Variants in RASSF2 observed in about 807,000 individuals in gnomAD.
RASSF2 encodes Ras association domain family member 2, also known as ras association domain-containing protein 2.
A neutral mutation model predicts 46.3 loss-of-function variants in RASSF2; 34 were observed. The observed-to-expected ratio is 0.73, with a 90% CI of 0.56 to 0.98. The LOEUF (loss-of-function observed/expected upper bound fraction) is 0.98, where lower values mean the gene tolerates loss of function less well. Among genes scored for constraint, RASSF2 ranks in the 50% least tolerant of loss-of-function variants. The pLI, the probability that RASSF2 is intolerant of heterozygous loss-of-function variation, is 0.00. For synonymous variants in RASSF2, 158 were observed against 162.5 expected, an observed-to-expected ratio of 0.97 and a Z score of 0.21; for missense variants, 364 against 431.2, an observed-to-expected ratio of 0.84 and a Z score of 1.38.
chr20:4,807,877 T>C (rs1008750716), intron 2 of RASSF2, among the ~76,000 whole-genome samples: 4 of 152,248 alleles, frequency 2.6e-5, no homozygotes, highest in African/African-American at 9.6e-5. Context: ...TGCCCCACTC[T>C]GGGCATCTGC....
In RASSF2 at chr20:4,782,690, C is replaced by A. The variant is rs994270085; in HGVS notation, c.*1583G>T. The A allele has an allele frequency of 6.6e-6, 1 of 152,420 alleles. No individual in the cohort carries two copies. The highest frequency in any genetic ancestry group is 2.1e-4 in the South Asian group (1 of 4,832). 9.4% of individuals were successfully genotyped at this position (152,420 alleles called of 1,614,324 possible). On this transcript the variant is annotated 3_prime_UTR_variant, in exon 12 of 12. Coordinates refer to ENST00000379400, the MANE Select transcript of RASSF2 (RefSeq NM_014737.3). ...GGTGCCCAGGGCAGAAACGTCTCCA[C>A]CAAAAAAGTCCACCTTCCTTTGGAG...
At chr20:4,803,414 C>A (rs1178754819) in intron 2 of RASSF2, among the ~76,000 whole-genome samples, 1 of 152,142 alleles carries the variant, frequency 6.6e-6, no homozygotes, top group South Asian at 2.1e-4. Flanking sequence ...GATGTTAGCT[C>A]AGTGAGATTC....
At position 4,784,204 on chromosome 20, in the gene RASSF2, C is replaced by T. The variant is rs1925077556; in HGVS notation, c.*69G>A. ...TAAATGTTTCCATGGAAAGAAAGTG[C>T]CTAGCTTCCTGGGGGTCTTATGGGC... On this transcript the variant is annotated 3_prime_UTR_variant, in exon 12 of 12. Transcript: ENST00000379400. The T allele has an allele frequency of 4.1e-6, 6 of 1,467,140 alleles. No individual in the cohort carries two copies. The highest frequency in any genetic ancestry group is 5.7e-6 in the Non-Finnish European group (6 of 1,046,600). 90.9% of individuals were successfully genotyped at this position (1,467,140 alleles called of 1,614,324 possible).
At chr20:4,789,450 C>T (rs1455637116) in intron 8 of RASSF2, 146 bp downstream of exon 8, 2 of 644,746 alleles carry the variant, frequency 3.1e-6, no homozygotes, top group Non-Finnish European at 5.4e-6. Context: ...GGACTTTGTC[C>T]TGGATCGTGA....
In RASSF2 at chr20:4,788,230, G is replaced by C; in HGVS notation, c.678C>G (p.Val226=). The C allele has an allele frequency of 6.2e-7, 1 of 1,603,782 alleles. No homozygotes were observed. The highest frequency in any genetic ancestry group is 8.5e-7 in the Non-Finnish European group (1 of 1,170,620). The change falls in exon 9 of 12, where the codon GTC becomes GTG. Residue 226 remains valine (V), a synonymous_variant. Transcript: ENST00000379400. ...NSAEEFALYV[V]HTSGEKQKLK... is the part of the protein sequence containing the mutation. ...CTTCAGACTTACCACCACTCGTATG[G>C]ACCACGTACAAGGCAAACTCCTCTG...
rs536961008 is a variant in RASSF2 at position 4,790,256 on chromosome 20, G to A, written c.537+195C>T. 6.6e-6 allele frequency among the ~76,000 whole-genome samples: 1 copy of A among 152,318 alleles called. No individual in the cohort carries two copies. Among genetic ancestry groups the A allele is most frequent in the African/African-American group, 2.4e-5 (1 of 41,572 alleles). ...TAAGGGGAACCCACAGGGGGACTTT[G>A]AGGCTTCTGACCTGGGGTCCCTCAG... is the stretch of plus-strand genomic sequence containing the variant. On this transcript the variant is annotated intron_variant, in intron 7 of 11. Transcript: ENST00000379400. This position sits in a 1 kb window ranked among gnomAD's most constrained non-coding sequence, Gnocchi z 4.3.
chr20:4,795,780 C>G lies in RASSF2; in HGVS notation c.287+35G>C. On this transcript the variant is annotated intron_variant, in intron 5 of 11. Transcript: ENST00000379400. The surrounding 1 kb of genome is among the most constrained non-coding windows in gnomAD (Gnocchi z 4.0). ...AGAACACATAGAACACCCAAGCATC[C>G]CAGTCATCTCCCTGCCCCGTCTCTC... 6.3e-7 allele frequency: 1 copy of G among 1,588,148 alleles called. No homozygotes were observed. The highest frequency in any genetic ancestry group is 8.6e-7 in the Non-Finnish European group (1 of 1,165,448).
chr20:4,784,391 C>T (rs1193798914), intron 11 of RASSF2, 49 bp from the exon 12 acceptor site: 14 of 1,567,486 alleles, frequency 8.9e-6, no homozygotes, highest in African/African-American at 2.7e-5. Flanking sequence ...CAACACACCC[C>T]TGCCCAGGAC....
At chr20:4,816,054 C>T (rs941053809) in intron 2 of RASSF2, among the ~76,000 whole-genome samples, 2 of 152,154 alleles carry the variant, frequency 1.3e-5, no homozygotes, top group African/African-American at 4.8e-5. Context: ...GTAATCCCAG[C>T]AATTTGGGAG....
intron 11 of RASSF2, among the ~76,000 whole-genome samples, chr20:4,784,880 G>T (rs76517212): frequency 1.3e-5 from 2 of 152,156 alleles, no homozygotes; most frequent in Admixed American, 1.3e-4. Flanking sequence ...TGGCTTGGGG[G>T]GAGTTCTGTT....
intron 6 of RASSF2, among the ~76,000 whole-genome samples, chr20:4,791,238 G>T (rs1035155420): frequency 2.6e-5 from 4 of 152,152 alleles, no homozygotes; most frequent in Admixed American, 6.5e-5. Context: ...AATGGTGGTT[G>T]CCAGGAGCTA....
chr20:4,795,564 T>C lies in RASSF2; in HGVS notation c.287+251A>G. ...TAAGGGAGGACTCTGACTCAGCAGC[T>C]CCCCTCGTATGACTCAGCAGCTCCC... On this transcript the variant is annotated intron_variant, in intron 5 of 11. Coordinates refer to ENST00000379400, the MANE Select transcript of RASSF2 (RefSeq NM_014737.3). This position sits in a 1 kb window ranked among gnomAD's most constrained non-coding sequence, Gnocchi z 4.0. The C allele has an allele frequency of 2.6e-6, 1 of 385,758 alleles. No homozygotes were observed. The highest frequency in any genetic ancestry group is 4.7e-6 in the Non-Finnish European group (1 of 213,948). 23.9% of individuals were successfully genotyped at this position (385,758 alleles called of 1,614,324 possible).
rs747602490 is a variant in RASSF2, at chr20:4,786,280, G to T, written c.862C>A (p.Gln288Lys). ...FEMPVLKSFIQKLQEEEDREV... is the reference protein window; with the variant it reads ...FEMPVLKSFIKKLQEEEDREV... ...CGATCTTCTTCCTCCTGGAGCTTCT[G>T]AATGAAGCTTTTAAGTACCGGCATC... is the stretch of plus-strand genomic sequence containing the variant. The change falls in exon 11 of 12, where the codon CAG (glutamine) becomes AAG (lysine). Residue 288 changes from glutamine to lysine, a missense_variant. By Grantham distance (53) the Gln-to-Lys change is moderately conservative (BLOSUM62 1). Coordinates refer to ENST00000379400, the MANE Select transcript of RASSF2 (RefSeq NM_014737.3). 2 of 1,613,630 alleles carry T rather than the reference G, an allele frequency of 1.2e-6. No homozygotes were observed. The highest frequency in any genetic ancestry group is 1.7e-6 in the Non-Finnish European group (2 of 1,179,544).
At chr20:4,820,071 C>T (rs1176716202) in intron 2 of RASSF2, among the ~76,000 whole-genome samples, 1 of 152,222 alleles carries the variant, frequency 6.6e-6, no homozygotes, top group Non-Finnish European at 1.5e-5. Context: ...ATGTGCCACC[C>T]TCCTTCCCTG....
chr20:4,785,384 T>C (rs1925236787), intron 11 of RASSF2, among the ~76,000 whole-genome samples: 3 of 152,106 alleles, frequency 2.0e-5, no homozygotes, highest in African/African-American at 4.8e-5. Context: ...CTTTAGGACA[T>C]AGTAAGTGTT....
rs1283851389 is a variant in RASSF2 at position 4,782,413 on chromosome 20, GT to G, written c.*1859del. 2.0e-5 allele frequency: 3 copies of G among 152,676 alleles called. No homozygotes were observed. The highest frequency in any genetic ancestry group is 2.9e-5 in the Non-Finnish European group (2 of 68,048). 9.5% of individuals were successfully genotyped at this position (152,676 alleles called of 1,614,324 possible). A position where few individuals can be genotyped will look rare whatever the true frequency, so the allele number is the denominator to read the frequency against. On this transcript the variant is annotated 3_prime_UTR_variant, in exon 12 of 12. Transcript: ENST00000379400. ...TTCACAGAACTGTTCTTTCCCAGCTGTAACAAAGGAAGCCTCTCCCGGTGGC... is the reference window on the plus strand; with the variant it reads ...TTCACAGAACTGTTCTTTCCCAGCTGAACAAAGGAAGCCTCTCCCGGTGGC...
At position 4,789,215 on chromosome 20, in the gene RASSF2, T is replaced by C. The variant is rs1363740831; in HGVS notation, c.639+381A>G. On this transcript the variant is annotated intron_variant, in intron 8 of 11. Transcript: ENST00000379400. ...GTGTCCCAGAAGTCAATCTTCGCAC[T>C]GAGCCCAAAACCAGTCAGCAGGCCC... Among the ~76,000 whole-genome samples the C allele has an allele frequency of 2.0e-5, 3 of 152,334 alleles. No homozygotes were observed. In the East Asian group the frequency reaches 5.8e-4, roughly 29 times the overall value.
intron 3 of RASSF2, 74 bp downstream of exon 3, chr20:4,800,898 G>A (rs914463015): frequency 1.2e-5 from 15 of 1,293,808 alleles, no homozygotes; most frequent in East Asian, 6.9e-5. Flanking sequence ...CTCTGCCAGC[G>A]GCTGCCGTCC....
intron 2 of RASSF2, among the ~76,000 whole-genome samples, chr20:4,816,217 G>A (rs1490767262): frequency 6.6e-6 from 1 of 151,952 alleles, no homozygotes; most frequent in Admixed American, 6.6e-5. Context: ...GAGGTGGGAG[G>A]ATGACTTGAG....
Sources: gnomAD v4.1 joint callset for allele counts (sites outside exome capture counted in the v4.1 genomes callset) on GRCh38, gnomAD v4.1.1 for gene constraint, Gnocchi (gnomAD v3.1) non-coding constraint, MANE v1.5 for transcripts, NCBI Gene and HGNC (gene_info 2026-07-23, HGNC 2026-07-21) for gene names.